The following FRAS1 variants were observed in gnomAD, a reference collection of about 807,000 sequenced individuals.
The protein encoded by FRAS1 is extracellular matrix organizing protein FRAS1.
A neutral mutation model predicts 435.2 loss-of-function variants in FRAS1; 290 were observed. The ratio of observed to expected loss-of-function variants is 0.67; its 90% CI spans 0.61 to 0.73. The LOEUF is 0.73. FRAS1 is among the 30% of genes least tolerant of loss of function. FRAS1 has a pLI of 0.00. For synonymous variants in FRAS1, 1,800 were observed against 1,851.0 expected (o/e 0.97, Z 0.71); for missense variants, 4,860 against 5,001.5 (o/e 0.97, Z 0.85).
intron 47 of FRAS1, among the ~76,000 whole-genome samples, chr4:78,457,684 A>G (rs1024320572): frequency 1.3e-5 from 2 of 152,246 alleles, no homozygotes; most frequent in South Asian, 2.1e-4. Context: ...GACGTCTTAA[A>G]TCCTTAAACC....
At chr4:78,099,156 A>G (rs1013916813) in intron 2 of FRAS1, among the ~76,000 whole-genome samples, 4 of 152,286 alleles carry the variant, frequency 2.6e-5, no homozygotes, top group East Asian at 3.9e-4. Flanking sequence ...AGGGGGGGCC[A>G]TGGGGTGATC....
intron 20 of FRAS1, among the ~76,000 whole-genome samples, chr4:78,343,059 T>C (rs1730456896): frequency 1.3e-5 from 2 of 152,150 alleles, no homozygotes; most frequent in African/African-American, 4.8e-5. Flanking sequence ...GGTTAATAGG[T>C]GTTGCATGCA....
intron 1 of FRAS1, among the ~76,000 whole-genome samples, chr4:78,065,081 T>TATACACAC (rs1553915420): frequency 2.4e-5 from 3 of 125,688 alleles, no homozygotes; most frequent in East Asian, 4.6e-4. Context: ...TATATATATA[T>TATACACAC]ATACATACAC....
chr4:78,440,320 C>T (rs78097922), intron 40 of FRAS1, among the ~76,000 whole-genome samples: 3,385 of 152,250 alleles, frequency 0.022, 94 homozygotes, highest in African/African-American at 0.072. Context: ...GCGTGAGCCA[C>T]CGGGCCCGGC....
At chr4:78,222,022 C>T (rs1020239426) in intron 2 of FRAS1, among the ~76,000 whole-genome samples, 1 of 152,116 alleles carries the variant, frequency 6.6e-6, no homozygotes, top group African/African-American at 2.4e-5. Flanking sequence ...TCATTAGCCT[C>T]GTATAAGGTC....
At chr4:78,066,096 C>G in intron 2 of FRAS1, 80 bp downstream of exon 2, 1 of 941,328 alleles carries the variant, frequency 1.1e-6, no homozygotes, top group Non-Finnish European at 1.7e-6. Flanking sequence ...AGTGAGTTGA[C>G]CCTATCATTG....
intron 30 of FRAS1, 21 bp downstream of exon 30, chr4:78,400,908 C>T (rs72867982): frequency 2.2e-5 from 36 of 1,611,410 alleles, no homozygotes; most frequent in Non-Finnish European, 2.8e-5. Context: ...TTTCCTTTGG[C>T]GTGGTTTCAT....
chr4:78,202,846 A>G, intron 2 of FRAS1, among the ~76,000 whole-genome samples: 1 of 152,196 alleles, frequency 6.6e-6, no homozygotes, highest in Non-Finnish European at 1.5e-5. Context: ...CTATCTATGC[A>G]CTGACTGGCC....
At chr4:78,488,093 A>T (rs1720225951) in intron 58 of FRAS1, among the ~76,000 whole-genome samples, 1 of 152,180 alleles carries the variant, frequency 6.6e-6, no homozygotes, top group Admixed American at 6.5e-5. Flanking sequence ...AGATTGTGCC[A>T]CTGCACTCCA....
intron 20 of FRAS1, among the ~76,000 whole-genome samples, chr4:78,345,343 G>T (rs1271146155): frequency 1.3e-5 from 2 of 152,116 alleles, no homozygotes; most frequent in Non-Finnish European, 2.9e-5. Flanking sequence ...CACTTGGATG[G>T]TCCTCAAGAA....
At chr4:78,221,842 T>C (rs1439603297) in intron 2 of FRAS1, among the ~76,000 whole-genome samples, 1 of 152,192 alleles carries the variant, frequency 6.6e-6, no homozygotes, top group Non-Finnish European at 1.5e-5. Flanking sequence ...TGTATGTCAG[T>C]CATGGGGCCA....
chr4:78,405,939 G>T (rs1733079147), intron 30 of FRAS1, among the ~76,000 whole-genome samples: 1 of 152,232 alleles, frequency 6.6e-6, no homozygotes, highest in Non-Finnish European at 1.5e-5. Context: ...TGTATTTTCA[G>T]TCTCACTTTA....
intron 2 of FRAS1, among the ~76,000 whole-genome samples, chr4:78,119,288 C>CA (rs1181369905): frequency 6.6e-6 from 1 of 152,166 alleles, no homozygotes; most frequent in Non-Finnish European, 1.5e-5. Context: ...TTCCTCCTCC[C>CA]ATCTAGCTGT....
chr4:78,161,986 G>T (rs1418015770), intron 2 of FRAS1, among the ~76,000 whole-genome samples: 2 of 151,956 alleles, frequency 1.3e-5, no homozygotes, highest in Non-Finnish European at 2.9e-5. Context: ...TGATGAAGAT[G>T]AATTTAGTCA....
At chr4:78,522,936 A>G in intron 69 of FRAS1, 128 bp downstream of exon 69, 1 of 905,300 alleles carries the variant, frequency 1.1e-6, no homozygotes, top group Non-Finnish European at 1.6e-6. Flanking sequence ...GATAGAAATA[A>G]CCCTCAGCTG....
Position 78,526,533 on chromosome 4 carries a change from G to C in FRAS1, c.10809-8G>C. The C allele has an allele frequency of 6.4e-7, 1 of 1,565,484 alleles. No homozygotes were observed. The highest frequency in any genetic ancestry group is 8.7e-7 in the Non-Finnish European group (1 of 1,149,736). The stretch of plus-strand genomic sequence containing the variant: ...CCTACGATCACAGTCTGCTCTGCAT[G>C]TTTCCAGGAAGGACTACTCAGGAGA... On this transcript the variant is annotated splice_polypyrimidine_tract_variant and splice_region_variant and intron_variant, in intron 69 of 73. Coordinates refer to ENST00000512123, the MANE Select transcript of FRAS1 (RefSeq NM_025074.7).
At chr4:78,316,674 T>A (rs968918732) in intron 16 of FRAS1, among the ~76,000 whole-genome samples, 22 of 152,122 alleles carry the variant, frequency 1.4e-4, no homozygotes, top group Admixed American at 3.3e-4. Flanking sequence ...AACACCAGGG[T>A]CAAAGCAGGG....
At chr4:78,081,217 C>T (rs1740878462) in intron 2 of FRAS1, among the ~76,000 whole-genome samples, 1 of 152,094 alleles carries the variant, frequency 6.6e-6, no homozygotes, top group African/African-American at 2.4e-5. Flanking sequence ...GAATATTGGC[C>T]TCGTGGAAAT....
intron 58 of FRAS1, among the ~76,000 whole-genome samples, chr4:78,486,475 C>T (rs1355820379): frequency 1.3e-5 from 2 of 152,176 alleles, no homozygotes; most frequent in South Asian, 2.1e-4. Flanking sequence ...TGAGCCCATG[C>T]GCCATCAGCA....
Sources: allele counts gnomAD v4.1 joint callset (sites outside exome capture counted in the v4.1 genomes callset), GRCh38; gene constraint gnomAD v4.1.1; transcripts MANE v1.5; gene names NCBI Gene and HGNC (gene_info 2026-07-23, HGNC 2026-07-21).